ZMAT4: variants seen among roughly 807,000 people sequenced by gnomAD.
The protein encoded by ZMAT4 is zinc finger matrin-type protein 4.
A neutral mutation model predicts 28.7 loss-of-function variants in ZMAT4; 17 were observed. That is an observed-to-expected ratio of 0.59 (90% CI 0.41 to 0.89). The LOEUF (loss-of-function observed/expected upper bound fraction) is 0.89, where lower values mean the gene tolerates loss of function less well. ZMAT4 is among the 40% of genes least tolerant of loss of function. The probability of loss-of-function intolerance (pLI) is 0.00; values close to 1 mark genes in which losing one functional copy is unlikely to be tolerated. For synonymous variants in ZMAT4, 117 were observed against 109.2 expected (o/e 1.07, Z -0.44); for missense variants, 240 against 283.8 (o/e 0.85, Z 1.11).
chr8:40,737,327 C>T (rs1376128419), intron 3 of ZMAT4, among the ~76,000 whole-genome samples: 1 of 151,720 alleles, frequency 6.6e-6, no homozygotes, highest in African/African-American at 2.4e-5. Context: ...ATTGGACACC[C>T]CCGATTTAAG....
chr8:40,683,750 AT>A (rs993045500), intron 4 of ZMAT4, among the ~76,000 whole-genome samples: 4 of 151,920 alleles, frequency 2.6e-5, no homozygotes, highest in South Asian at 2.1e-4. Flanking sequence ...AATGTTATGA[AT>A]TTTTTTTCAA....
intron 2 of ZMAT4, among the ~76,000 whole-genome samples, chr8:40,801,764 C>T (rs188474598): frequency 1.4e-3 from 217 of 152,154 alleles, no homozygotes; most frequent in Non-Finnish European, 1.4e-3. Flanking sequence ...AATCAGAAAA[C>T]AGTATTATAA....
chr8:40,886,564 G>A (rs1818457283), intron 1 of ZMAT4, among the ~76,000 whole-genome samples: 1 of 152,200 alleles, frequency 6.6e-6, no homozygotes, highest in South Asian at 2.1e-4. Context: ...TCTGAAAACA[G>A]TGGGCAGGCA....
chr8:40,806,059 A>C (rs1815073456), intron 2 of ZMAT4, among the ~76,000 whole-genome samples: 1 of 152,218 alleles, frequency 6.6e-6, no homozygotes, highest in Non-Finnish European at 1.5e-5. Flanking sequence ...TTATCACGAA[A>C]AAGGGGAACA....
At chr8:40,845,705 CAA>C (rs111322922) in intron 1 of ZMAT4, among the ~76,000 whole-genome samples, 1 of 107,632 alleles carries the variant, frequency 9.3e-6, no homozygotes, top group Non-Finnish European at 1.9e-5. Flanking sequence ...CAAGGAATTG[CAA>C]AAAAAAAAAA....
chr8:40,865,269 G>C (rs1163480062), intron 1 of ZMAT4, among the ~76,000 whole-genome samples: 1 of 152,174 alleles, frequency 6.6e-6, no homozygotes, highest in African/African-American at 2.4e-5. Flanking sequence ...AAGACAAAAA[G>C]GAAGACATGA....
chr8:40,776,797 C>T (rs1201181988), intron 2 of ZMAT4, among the ~76,000 whole-genome samples: 1 of 152,192 alleles, frequency 6.6e-6, no homozygotes, highest in Non-Finnish European at 1.5e-5. Flanking sequence ...CAATCCTGAG[C>T]TACAGTTTCT....
chr8:40,591,105 C>T (rs1804878007), intron 5 of ZMAT4, among the ~76,000 whole-genome samples: 1 of 152,052 alleles, frequency 6.6e-6, no homozygotes, highest in African/African-American at 2.4e-5. Context: ...TTTCAAGCTC[C>T]AGCCTATCAA....
intron 5 of ZMAT4, among the ~76,000 whole-genome samples, chr8:40,605,947 C>T (rs1330944184): frequency 6.6e-6 from 1 of 152,144 alleles, no homozygotes; most frequent in Non-Finnish European, 1.5e-5. Context: ...TCTTTTTAAA[C>T]TGTTTTTGCT....
intron 1 of ZMAT4, among the ~76,000 whole-genome samples, chr8:40,838,455 G>T (rs1199670511): frequency 1.3e-5 from 2 of 152,176 alleles, no homozygotes; most frequent in South Asian, 2.1e-4. Flanking sequence ...CAAACCTCCT[G>T]CCTCAGCTTC....
At chr8:40,769,223 C>G (rs186846369) in intron 2 of ZMAT4, among the ~76,000 whole-genome samples, 1 of 152,178 alleles carries the variant, frequency 6.6e-6, no homozygotes, top group Admixed American at 6.5e-5. Flanking sequence ...TTCTAGGTTA[C>G]ATAGTAGGTT....
intron 5 of ZMAT4, among the ~76,000 whole-genome samples, chr8:40,630,219 T>C (rs1806524963): frequency 6.6e-6 from 1 of 152,226 alleles, no homozygotes; most frequent in South Asian, 2.1e-4. Context: ...ATGTGTTAAC[T>C]GGTATAAGAA....
intron 5 of ZMAT4, among the ~76,000 whole-genome samples, chr8:40,622,275 A>G (rs1311849780): frequency 6.6e-6 from 1 of 152,234 alleles, no homozygotes; most frequent in South Asian, 2.1e-4. Flanking sequence ...CAAAGAGAAC[A>G]GTAGAGAGCT....
chr8:40,651,058 T>A (rs1807621541), intron 5 of ZMAT4, among the ~76,000 whole-genome samples: 1 of 151,752 alleles, frequency 6.6e-6, no homozygotes, highest in Admixed American at 6.6e-5. Context: ...TTCAACATAG[T>A]GTTGGAAGTT....
At chr8:40,747,250 C>T (rs960648861) in intron 3 of ZMAT4, among the ~76,000 whole-genome samples, 4 of 152,120 alleles carry the variant, frequency 2.6e-5, no homozygotes, top group East Asian at 1.9e-4. Flanking sequence ...AAATCACATG[C>T]TATTAAAATT....
chr8:40,561,537 C>G (rs1040734120), intron 6 of ZMAT4, among the ~76,000 whole-genome samples: 1 of 152,024 alleles, frequency 6.6e-6, no homozygotes. Context: ...CCTTAGAGGT[C>G]CCAGCTGGTG....
At chr8:40,842,644 T>C (rs1306929007) in intron 1 of ZMAT4, among the ~76,000 whole-genome samples, 2 of 152,208 alleles carry the variant, frequency 1.3e-5, no homozygotes, top group African/African-American at 4.8e-5. Flanking sequence ...AGAAAGTCCA[T>C]GAACAACTAG....
chr8:40,727,190 C>G (rs1249635289), intron 3 of ZMAT4, among the ~76,000 whole-genome samples: 1 of 152,242 alleles, frequency 6.6e-6, no homozygotes, highest in East Asian at 1.9e-4. Context: ...CTATCTTTGG[C>G]CTGCCTGGTT....
intron 5 of ZMAT4, among the ~76,000 whole-genome samples, chr8:40,582,465 G>T (rs1490773406): frequency 6.6e-6 from 1 of 151,994 alleles, no homozygotes; most frequent in African/African-American, 2.4e-5. Flanking sequence ...TGACAGCCTG[G>T]ATGACAGAGT....
Sources: gnomAD v4.1 joint callset for allele counts (sites outside exome capture counted in the v4.1 genomes callset) on GRCh38, gnomAD v4.1.1 for gene constraint, MANE v1.5 for transcripts, NCBI Gene and HGNC (gene_info 2026-07-23, HGNC 2026-07-21) for gene names.